MARCHF1: variants seen among roughly 807,000 people sequenced by gnomAD.
MARCHF1 encodes the protein membrane associated ring-CH-type finger 1.
A neutral mutation model predicts 54.2 loss-of-function variants in MARCHF1; 40 were observed. The observed-to-expected ratio is 0.74, with a 90% CI of 0.57 to 0.96. The LOEUF (loss-of-function observed/expected upper bound fraction) is 0.96, where lower values mean the gene tolerates loss of function less well. Among genes scored for constraint, MARCHF1 ranks in the 40% least tolerant of loss-of-function variants. MARCHF1 has a pLI of 0.00. For synonymous variants in MARCHF1, 236 were observed against 236.3 expected, an observed-to-expected ratio of 1.00 and a Z score of 0.01; for missense variants, 586 against 656.5, an observed-to-expected ratio of 0.89 and a Z score of 1.17.
Position 164,069,495 on chromosome 4 carries a change from C to T in MARCHF1, c.-248+42093G>A, listed in dbSNP as rs575935218. On this transcript the variant is annotated intron_variant, in intron 2 of 9. Coordinates refer to ENST00000514618, the MANE Select transcript of MARCHF1 (RefSeq NM_001394959.1). ...TTCCCTGCTGAAGCCAGTGAGACCA[C>T]GAACCCACTGGGAGGAATGAACAAC... Among the ~76,000 whole-genome samples the T allele has an allele frequency of 5.2e-4, 79 of 152,076 alleles. 1 individual carries two copies. The South Asian group carries it at 0.016, about 30-fold the overall frequency.
chr4:163,581,583 T>C (rs763870071), intron 8 of MARCHF1, among the ~76,000 whole-genome samples: 1 of 152,214 alleles, frequency 6.6e-6, no homozygotes, highest in Non-Finnish European at 1.5e-5. Context: ...CTATGGTAAC[T>C]TGTACCAGCA....
intron 2 of MARCHF1, among the ~76,000 whole-genome samples, chr4:164,038,005 G>T (rs1027973036): frequency 2.6e-5 from 4 of 152,244 alleles, no homozygotes; most frequent in African/African-American, 7.2e-5. Context: ...AATGGGTGTG[G>T]CCATGAAACT....
chr4:163,632,438 C>A (rs911642727), intron 5 of MARCHF1, among the ~76,000 whole-genome samples: 1 of 151,996 alleles, frequency 6.6e-6, no homozygotes, highest in Non-Finnish European at 1.5e-5. Context: ...ACTCAGGAAG[C>A]GCAAGGGGTC....
intron 4 of MARCHF1, among the ~76,000 whole-genome samples, chr4:163,784,764 T>C (rs1747568880): frequency 1.3e-5 from 2 of 152,260 alleles, no homozygotes; most frequent in South Asian, 4.1e-4. Context: ...GCAAACAAAA[T>C]ATATAACAAA....
intron 3 of MARCHF1, among the ~76,000 whole-genome samples, chr4:163,937,659 T>C (rs1472443188): frequency 6.6e-6 from 1 of 152,128 alleles, no homozygotes; most frequent in Non-Finnish European, 1.5e-5. Context: ...TGACCTAATT[T>C]TTCCTTGTAA....
intron 4 of MARCHF1, among the ~76,000 whole-genome samples, chr4:163,809,905 T>C (rs978744761): frequency 1.3e-5 from 2 of 152,324 alleles, no homozygotes; most frequent in East Asian, 3.9e-4. Context: ...CATCTTATAC[T>C]ATAATCTTTC....
chr4:163,736,276 A>G (rs1746031326), intron 4 of MARCHF1, among the ~76,000 whole-genome samples: 1 of 152,108 alleles, frequency 6.6e-6, no homozygotes, highest in African/African-American at 2.4e-5. Flanking sequence ...CAAGCACTGC[A>G]TACTATATCA....
intron 2 of MARCHF1, among the ~76,000 whole-genome samples, chr4:164,033,506 A>C (rs1356495679): frequency 6.6e-6 from 1 of 152,226 alleles, no homozygotes; most frequent in Non-Finnish European, 1.5e-5. Flanking sequence ...GAATGGGAGA[A>C]AATTTTTGCA....
intron 9 of MARCHF1, among the ~76,000 whole-genome samples, chr4:163,535,745 T>C (rs529788533): frequency 4.8e-4 from 64 of 132,908 alleles, no homozygotes; most frequent in African/African-American, 1.7e-3. Flanking sequence ...ATTTGGAATA[T>C]AGAAGGGCTT....
intron 2 of MARCHF1, among the ~76,000 whole-genome samples, chr4:163,999,610 A>T (rs548304588): frequency 4.6e-5 from 7 of 151,554 alleles, no homozygotes; most frequent in South Asian, 2.1e-4. Context: ...AGTTTAAAGG[A>T]TGCAATTTTT....
chr4:163,841,187 T>C lies in MARCHF1; in HGVS notation c.111+12834A>G, dbSNP rs1178315921. On this transcript the variant is annotated intron_variant, in intron 4 of 9. Coordinates refer to ENST00000514618, the MANE Select transcript of MARCHF1 (RefSeq NM_001394959.1). ...AGTGAAACTGCTCTTTATGCTACTA[T>C]CATGGTGGAAACATGCGATTATAAA... is the stretch of plus-strand genomic sequence containing the variant. Among the ~76,000 whole-genome samples the C allele has an allele frequency of 2.6e-5, 4 of 152,104 alleles. No individual in the cohort carries two copies. The South Asian group carries it at 8.3e-4, about 32-fold the overall frequency.
At chr4:163,658,680 TCA>T (rs1390004778) in intron 5 of MARCHF1, among the ~76,000 whole-genome samples, 1 of 151,970 alleles carries the variant, frequency 6.6e-6, no homozygotes, top group African/African-American at 2.4e-5. Context: ...CTCAGCAAAC[TCA>T]TGTAGGAAGA....
At chr4:164,326,827 T>C (rs1735292164) in intron 1 of MARCHF1, among the ~76,000 whole-genome samples, 1 of 152,176 alleles carries the variant, frequency 6.6e-6, no homozygotes, top group Non-Finnish European at 1.5e-5. Context: ...CTTCCTGTAG[T>C]CTAATTTCAG....
chr4:163,737,204 A>C (rs866626218), intron 4 of MARCHF1, among the ~76,000 whole-genome samples: 6 of 25,070 alleles, frequency 2.4e-4, no homozygotes, highest in East Asian at 2.3e-3. Context: ...TTATTTATTT[A>C]TTTTTTTTAA....
chr4:164,192,000 A>T (rs769595990), intron 1 of MARCHF1, among the ~76,000 whole-genome samples: 2 of 152,162 alleles, frequency 1.3e-5, no homozygotes, highest in Non-Finnish European at 2.9e-5. Flanking sequence ...ATGACAACTT[A>T]AAATTTAATA....
At chr4:163,960,011 T>A (rs1266008705) in intron 3 of MARCHF1, among the ~76,000 whole-genome samples, 1 of 152,016 alleles carries the variant, frequency 6.6e-6, no homozygotes, top group Non-Finnish European at 1.5e-5. Flanking sequence ...GAACAGATGC[T>A]TTTCAAAAGA....
chr4:163,874,614 G>A (rs2111227367), intron 3 of MARCHF1, among the ~76,000 whole-genome samples: 1 of 152,168 alleles, frequency 6.6e-6, no homozygotes, highest in East Asian at 1.9e-4. Context: ...TATAAAAATT[G>A]TGTGGCTACA....
At chr4:163,875,114 T>C (rs773693537) in intron 3 of MARCHF1, among the ~76,000 whole-genome samples, 33 of 152,310 alleles carry the variant, frequency 2.2e-4, no homozygotes, top group Non-Finnish European at 4.4e-4. Flanking sequence ...GGATAATTTA[T>C]GATTGTGGAG....
rs79793654 is a variant in MARCHF1 at position 163,778,105 on chromosome 4, C to T, written c.111+75916G>A. The stretch of plus-strand genomic sequence containing the variant: ...TGTTGCATTTAGCAATAGTTTGCAC[C>T]TATTTATTGCTAAGCAGGATTCGAT... On this transcript the variant is annotated intron_variant, in intron 4 of 9. Coordinates refer to ENST00000514618, the MANE Select transcript of MARCHF1 (RefSeq NM_001394959.1). Among the ~76,000 whole-genome samples the T allele has an allele frequency of 2.9e-3, 443 of 152,178 alleles. 2 individuals are homozygous for T. Among genetic ancestry groups the T allele is most frequent in the African/African-American group, 0.01 (424 of 41,534 alleles).
Sources: gnomAD v4.1 joint callset for allele counts (sites outside exome capture counted in the v4.1 genomes callset) on GRCh38, gnomAD v4.1.1 for gene constraint, MANE v1.5 for transcripts, NCBI Gene and HGNC (gene_info 2026-07-23, HGNC 2026-07-21) for gene names.